RNF135: variants seen among roughly 807,000 people sequenced by gnomAD.
RNF135 encodes E3 ubiquitin-protein ligase RNF135.
In RNF135, 46 loss-of-function variants were observed where a neutral mutation model predicts 41.9. The ratio of observed to expected loss-of-function variants is 1.10; its 90% CI spans 0.87 to 1.40. The LOEUF is 1.40. Among genes scored for constraint, RNF135 ranks in the 40% most tolerant of loss-of-function variants. The pLI is 0.00. For synonymous variants in RNF135, 238 were observed against 223.8 expected (o/e 1.06, Z -0.57); for missense variants, 539 against 549.8 (o/e 0.98, Z 0.20).
At chr17:30,966,742 T>C (rs966568876), upstream of RNF135, among the ~76,000 whole-genome samples, 17 of 150,906 alleles carry the variant, frequency 1.1e-4, no homozygotes, top group Non-Finnish European at 1.5e-4. Flanking sequence ...CTTGACCTCG[T>C]GATCCACACG....
chr17:30,973,827 T>G (rs574116181), intron 1 of RNF135, among the ~76,000 whole-genome samples: 111 of 152,316 alleles, frequency 7.3e-4, no homozygotes, highest in African/African-American at 2.5e-3. Flanking sequence ...AAGTTAATTT[T>G]TGTATATGGT....
At chr17:30,990,086 G>C (rs578162541) in intron 3 of RNF135, among the ~76,000 whole-genome samples, 1 of 151,532 alleles carries the variant, frequency 6.6e-6, no homozygotes, top group Non-Finnish European at 1.5e-5. Flanking sequence ...GCAGTTTATT[G>C]TTCCAAAAAT....
rs761671300 is a variant in RNF135, at chr17:30,987,960, T to C, written c.533T>C (p.Val178Ala). 1.2e-6 allele frequency: 2 copies of C among 1,614,156 alleles called. No homozygotes were observed. The highest frequency in any genetic ancestry group is 2.2e-5 in the South Asian group (2 of 91,080). ...SILGKAFSSGVDLSMASPKLV... is the reference protein window; with the variant it reads ...SILGKAFSSGADLSMASPKLV... ...TATCAATAGGCTTTTTCTTCTGGGG[T>C]GGATCTTTCCATGGCTTCTCCAAAG... Residue 178 changes from valine to alanine, a missense_variant, in exon 3 of 5, where the codon GTG (valine) becomes GCG (alanine). By Grantham distance (64) the Val-to-Ala change is moderately conservative. Around this residue, in one of 2 missense-constraint regions of RNF135, gnomAD observed 262 missense variants for 336.9 expected, o/e 0.78. Coordinates refer to ENST00000328381, the MANE Select transcript of RNF135 (RefSeq NM_032322.4).
chr17:30,997,901 C>T (rs755287869), intron 4 of RNF135, among the ~76,000 whole-genome samples: 5 of 152,130 alleles, frequency 3.3e-5, no homozygotes, highest in Non-Finnish European at 5.9e-5. Flanking sequence ...AGTAGTCATG[C>T]TGTATAAGTG....
At chr17:30,978,670 G>A (rs1906680100) in intron 1 of RNF135, 1 of 142,818 alleles carries the variant, frequency 7.0e-6, no homozygotes, top group Non-Finnish European at 1.5e-5. Context: ...GATTTGGCAG[G>A]GTCATAGGAC....
At chr17:30,986,030 A>G (rs1463643012) in intron 2 of RNF135, among the ~76,000 whole-genome samples, 4 of 152,178 alleles carry the variant, frequency 2.6e-5, no homozygotes, top group Admixed American at 2.0e-4. Context: ...GAAGCCTTCA[A>G]TGATTTCCTT....
chr17:30,971,248 T>C lies in RNF135; in HGVS notation c.175T>C (p.Cys59Arg), dbSNP rs1905890654. 1 of 1,521,206 alleles carries C rather than the reference T, an allele frequency of 6.6e-7. No individual in the cohort carries two copies. Among genetic ancestry groups the C allele is most frequent in the East Asian group, 2.6e-5 (1 of 38,660 alleles). The allele number at this position is 1,521,206 out of a possible 1,614,324, so 94.2% of individuals were successfully genotyped here. The change falls in exon 1 of 5, where the codon TGC (cysteine) becomes CGC (arginine). Residue 59 changes from cysteine to arginine, a missense_variant. This residue lies in a region of RNF135 where 277 missense variants were observed against 212.8 expected (regional missense o/e 1.30). Transcript: ENST00000328381. Reference sequence around the variant, plus strand: ...CGCCCGCGACGCCCGCCGCTGGGCCTGCCCCACTTGCCGCCAGGGCGCCGC... The same window carrying C: ...CGCCCGCGACGCCCGCCGCTGGGCCCGCCCCACTTGCCGCCAGGGCGCCGC... ...WGARDARRWA[C>R]PTCRQGAAQQ...
intron 3 of RNF135, among the ~76,000 whole-genome samples, chr17:30,991,977 G>T (rs1341210433): frequency 1.3e-5 from 2 of 149,312 alleles, no homozygotes; most frequent in African/African-American, 5.0e-5. Flanking sequence ...TTGTTGCCCA[G>T]GCTGGAGTAC....
At chr17:30,985,879 A>T (rs1057478485) in intron 2 of RNF135, among the ~76,000 whole-genome samples, 1 of 152,132 alleles carries the variant, frequency 6.6e-6, no homozygotes, top group South Asian at 2.1e-4. Context: ...CTCTAGCTAC[A>T]CTGGCCGCAC....
At chr17:30,958,998 T>G in the RNF135 span, 1 of 152,118 alleles carries the variant, frequency 6.6e-6, no homozygotes, top group African/African-American at 2.4e-5. Flanking sequence ...ACTGCCCAGA[T>G]AGGGAGGTGA....
At chr17:30,967,954 C>T (rs1274915864), upstream of RNF135, among the ~76,000 whole-genome samples, 1 of 151,918 alleles carries the variant, frequency 6.6e-6, no homozygotes, top group African/African-American at 2.4e-5. Flanking sequence ...CATGAGCCAC[C>T]GCACTCGGCC....
rs908391218 is a variant in RNF135, at chr17:30,984,756, G to T, written c.512G>T (p.Gly171Val). The T allele has an allele frequency of 3.1e-6, 5 of 1,614,022 alleles. No homozygotes were observed. The Admixed American group carries it at 5.0e-5, about 16-fold the overall frequency. The change falls in exon 2 of 5, where the codon GGC (glycine) becomes GTC (valine). Residue 171 changes from glycine to valine, a missense_variant. By Grantham distance (109) the Gly-to-Val change is moderately radical (BLOSUM62 -3). Transcript: ENST00000328381. ...CCAGACAACGAACTGAGCATCCTGG[G>T]CAAGGTAGGCTCCACTGGGAGAGGA... ...SGPDNELSIL[G>V]KAFSSGVDLS...
chr17:30,979,540 C>A (rs1421073515), intron 1 of RNF135, among the ~76,000 whole-genome samples: 1 of 96,352 alleles, frequency 1.0e-5, no homozygotes, highest in Non-Finnish European at 2.5e-5. Flanking sequence ...CGACCCCCCC[C>A]CCCCGCCTCC....
chr17:30,976,883 T>C (rs1034177185), intron 1 of RNF135, among the ~76,000 whole-genome samples: 1 of 152,236 alleles, frequency 6.6e-6, no homozygotes, highest in Non-Finnish European at 1.5e-5. Context: ...CTTGTTTTTT[T>C]ATCCAGTCAA....
intron 1 of RNF135, among the ~76,000 whole-genome samples, chr17:30,980,408 G>A (rs1907012111): frequency 6.8e-6 from 1 of 147,210 alleles, no homozygotes; most frequent in African/African-American, 2.5e-5. Flanking sequence ...CAGTAGGGGC[G>A]GCCGGGCAGA....
At position 30,998,926 on chromosome 17, in the gene RNF135, A is replaced by C. The variant is rs1447139089; in HGVS notation, c.1034A>C (p.Asp345Ala). The change falls in exon 5 of 5, where the codon GAC becomes GCC. Residue 345 changes from aspartate to alanine, a missense_variant. Coordinates refer to ENST00000328381, the MANE Select transcript of RNF135 (RefSeq NM_032322.4). ...SRDQVLGRTM[D>A]SCCVEWKGTS... is the part of the protein sequence containing the mutation. ...GACCAGGTCCTGGGAAGGACTATGG[A>C]CTCTTGTTGTGTGGAATGGAAGGGG... 4.3e-6 allele frequency: 7 copies of C among 1,613,074 alleles called. No individual in the cohort carries two copies. The Admixed American group carries it at 6.7e-5, about 15-fold the overall frequency.
chr17:30,975,028 C>G (rs1250151474), intron 1 of RNF135, among the ~76,000 whole-genome samples: 1 of 151,802 alleles, frequency 6.6e-6, no homozygotes, highest in Non-Finnish European at 1.5e-5. Flanking sequence ...ATGGCTCACA[C>G]TTACAATCCT....
At chr17:30,980,782 G>A (rs1268283402) in intron 1 of RNF135, among the ~76,000 whole-genome samples, 14 of 148,394 alleles carry the variant, frequency 9.4e-5, no homozygotes, top group Admixed American at 1.3e-4. Flanking sequence ...GGGCAGAGAC[G>A]CTCCTCACTT....
At chr17:30,981,226 G>A (rs529378444) in intron 1 of RNF135, among the ~76,000 whole-genome samples, 13 of 149,014 alleles carry the variant, frequency 8.7e-5, no homozygotes, top group African/African-American at 3.4e-4. Context: ...CAGGCGTGGC[G>A]GCGCGCGCCT....
Sources: gnomAD v4.1 joint callset for allele counts (sites outside exome capture counted in the v4.1 genomes callset) on GRCh38, gnomAD v4.1.1 for gene constraint, gnomAD v4.1.1 regional missense constraint, MANE v1.5 for transcripts, NCBI Gene and HGNC (gene_info 2026-07-23, HGNC 2026-07-21) for gene names.